The following OR9Q1 variants were observed in gnomAD, a reference collection of about 807,000 sequenced individuals.
OR9Q1 encodes olfactory receptor family 9 subfamily Q member 1, also known as olfactory receptor 9Q1.
For synonymous variants in OR9Q1, 153 were observed against 148.6 expected, an observed-to-expected ratio of 1.03 and a Z score of -0.22; for missense variants, 374 against 378.8, an observed-to-expected ratio of 0.99 and a Z score of 0.11.
intron 2 of OR9Q1, among the ~76,000 whole-genome samples, chr11:58,101,101 A>G (rs912556549): frequency 5.9e-5 from 9 of 152,082 alleles, no homozygotes; most frequent in Admixed American, 4.6e-4. Context: ...CTAGTTTTTG[A>G]TAACACAATA....
intron 2 of OR9Q1, among the ~76,000 whole-genome samples, chr11:58,125,846 TG>T (rs1239516572): frequency 1.3e-5 from 2 of 152,210 alleles, no homozygotes; most frequent in Non-Finnish European, 2.9e-5. Flanking sequence ...CTGCTGGGAA[TG>T]AACTTGGTTT....
At chr11:58,092,840 A>AT (rs1272625682) in intron 2 of OR9Q1, among the ~76,000 whole-genome samples, 1 of 152,198 alleles carries the variant, frequency 6.6e-6, no homozygotes, top group Non-Finnish European at 1.5e-5. Context: ...TTTTGAGAAA[A>AT]TGTTCACGAG....
In OR9Q1 at chr11:58,040,459, G is replaced by A. The variant is rs1269303573; in HGVS notation, c.-92-15411G>A. Among the ~76,000 whole-genome samples the A allele has an allele frequency of 2.0e-5, 3 of 152,234 alleles. No homozygotes were observed. In the East Asian group the frequency reaches 5.8e-4, roughly 29 times the overall value. ...ACCACTCTACCTGTCTCCTCTCAAA[G>A]ACCTTTTCCAATGCTAATTTTGCAT... On this transcript the variant is annotated intron_variant, in intron 1 of 2. Coordinates refer to ENST00000335397, the MANE Select transcript of OR9Q1 (RefSeq NM_001005212.4).
intron 2 of OR9Q1, among the ~76,000 whole-genome samples, chr11:58,066,624 A>G (rs1853432417): frequency 6.6e-6 from 1 of 151,962 alleles, no homozygotes; most frequent in Admixed American, 6.6e-5. Flanking sequence ...GCACCCTGTC[A>G]ACTACTAATT....
intron 2 of OR9Q1, among the ~76,000 whole-genome samples, chr11:58,115,033 GC>G (rs1310982648): frequency 6.6e-6 from 1 of 152,110 alleles, no homozygotes; most frequent in African/African-American, 2.4e-5. Context: ...TAAGCACCAG[GC>G]ATTCTTCAGT....
chr11:58,053,049 C>A (rs1346865006), intron 1 of OR9Q1, among the ~76,000 whole-genome samples: 1 of 151,606 alleles, frequency 6.6e-6, no homozygotes, highest in African/African-American at 2.4e-5. Flanking sequence ...GGCGATTCCT[C>A]AGGGATCTAG....
intron 2 of OR9Q1, among the ~76,000 whole-genome samples, chr11:58,166,259 A>G (rs1166834633): frequency 6.6e-6 from 1 of 152,240 alleles, no homozygotes; most frequent in Non-Finnish European, 1.5e-5. Context: ...TTACAATAAA[A>G]TGAAAGGATA....
chr11:58,053,660 A>AATTATATAT, intron 1 of OR9Q1, among the ~76,000 whole-genome samples: 1 of 117,626 alleles, frequency 8.5e-6, no homozygotes, highest in Non-Finnish European at 1.8e-5. Flanking sequence ...TATATATATA[A>AATTATATAT]AATATATATA....
At chr11:58,161,899 C>A (rs1288506616) in intron 2 of OR9Q1, among the ~76,000 whole-genome samples, 3 of 152,156 alleles carry the variant, frequency 2.0e-5, no homozygotes, top group Non-Finnish European at 4.4e-5. Context: ...TCAGAACCTC[C>A]TTGTTTCTCC....
chr11:58,082,766 A>G (rs1012120729), intron 2 of OR9Q1, among the ~76,000 whole-genome samples: 9 of 130,550 alleles, frequency 6.9e-5, no homozygotes, highest in Admixed American at 2.2e-4. Flanking sequence ...AATAATAATA[A>G]TAATAAAAAG....
intron 1 of OR9Q1, chr11:58,047,275 G>C (rs1853226703): frequency 1.3e-5 from 2 of 152,194 alleles, no homozygotes; most frequent in Non-Finnish European, 2.9e-5. Flanking sequence ...TGGGATGTGA[G>C]AGGTGCTGTG....
intron 1 of OR9Q1, among the ~76,000 whole-genome samples, chr11:58,035,336 A>G (rs1853091390): frequency 6.6e-6 from 1 of 152,076 alleles, no homozygotes; most frequent in Non-Finnish European, 1.5e-5. Flanking sequence ...ATAAAAGCTG[A>G]TTTTTCATGT....
At chr11:58,158,796 G>A (rs1200157386) in intron 2 of OR9Q1, among the ~76,000 whole-genome samples, 3 of 152,148 alleles carry the variant, frequency 2.0e-5, no homozygotes, top group African/African-American at 7.2e-5. Context: ...ATATACAATT[G>A]GGAACTGTGA....
intron 2 of OR9Q1, among the ~76,000 whole-genome samples, chr11:58,098,087 A>T (rs78983361): frequency 0.17 from 26,051 of 152,138 alleles, 2,353 homozygotes; most frequent in Non-Finnish European, 0.21. Flanking sequence ...AAAGCTAACT[A>T]AAAAAACAAG....
intron 2 of OR9Q1, among the ~76,000 whole-genome samples, chr11:58,165,763 C>T (rs1854494961): frequency 6.6e-6 from 1 of 152,124 alleles, no homozygotes; most frequent in Non-Finnish European, 1.5e-5. Flanking sequence ...GTTCTTTGAC[C>T]CCAGGCACTG....
At chr11:58,171,531 A>T (rs1213609246) in intron 2 of OR9Q1, 2 of 152,234 alleles carry the variant, frequency 1.3e-5, no homozygotes, top group African/African-American at 2.4e-5. Context: ...GCAGAACTGC[A>T]GTTCGGTTGA....
At chr11:58,144,689 G>C (rs1219251827) in intron 2 of OR9Q1, 1 of 152,558 alleles carries the variant, frequency 6.6e-6, no homozygotes, top group African/African-American at 2.4e-5. Flanking sequence ...TTCCTTCCTG[G>C]ACATTTGCTA....
chr11:58,119,027 G>C, intron 2 of OR9Q1: 6 of 1,613,988 alleles, frequency 3.7e-6, no homozygotes, highest in Non-Finnish European at 5.1e-6. Context: ...CTCCAGCAGA[G>C]CCTGGGATTC....
At chr11:58,063,453 A>C (rs1443412063) in intron 2 of OR9Q1, among the ~76,000 whole-genome samples, 1 of 152,242 alleles carries the variant, frequency 6.6e-6, no homozygotes, top group Non-Finnish European at 1.5e-5. Flanking sequence ...GAACACATGC[A>C]AAGGATCTAA....
Sources: gnomAD v4.1 joint callset for allele counts (sites outside exome capture counted in the v4.1 genomes callset) on GRCh38, gnomAD v4.1.1 for gene constraint, MANE v1.5 for transcripts, NCBI Gene and HGNC (gene_info 2026-07-23, HGNC 2026-07-21) for gene names.